PYGB: variants seen among roughly 807,000 people sequenced by gnomAD.
PYGB encodes glycogen phosphorylase B, also known as glycogen phosphorylase, brain form.
A neutral mutation model predicts 94.3 loss-of-function variants in PYGB; 82 were observed. The observed-to-expected ratio is 0.87, with a 90% CI of 0.73 to 1.04. The LOEUF (loss-of-function observed/expected upper bound fraction) is 1.04. PYGB is among the 50% of genes least tolerant of loss of function. The pLI, the probability that PYGB is intolerant of heterozygous loss-of-function variation, is 0.00. For missense variants in PYGB, 1,132 were observed against 1,158.2 expected (o/e 0.98, Z 0.33); for synonymous variants, 488 against 479.1 (o/e 1.02, Z -0.24).
intron 2 of PYGB, among the ~76,000 whole-genome samples, chr20:25,267,882 T>G (rs1003363189): frequency 2.0e-5 from 3 of 152,110 alleles, no homozygotes; most frequent in African/African-American, 7.2e-5. Flanking sequence ...TTTGCCCTCC[T>G]AGGTAGGAAG....
intron 2 of PYGB, among the ~76,000 whole-genome samples, chr20:25,262,033 G>A (rs2092914725): frequency 6.6e-6 from 1 of 152,156 alleles, no homozygotes; most frequent in African/African-American, 2.4e-5. Flanking sequence ...GGGGAGAATG[G>A]CACCAAGTTG....
rs202071254 is a variant in PYGB at position 25,292,573 on chromosome 20, G to A, written c.2137G>A (p.Gly713Ser). 8.7e-6 allele frequency: 14 copies of A among 1,612,892 alleles called. No individual in the cohort carries two copies. The African/African-American group carries it at 1.1e-4, about 12-fold the overall frequency. ...EAGAENLFIF[G>S]LRVEDVEALD... ...CGGGGCCGAGAACCTCTTCATCTTC[G>A]GCCTGCGGGTGGAGGATGTCGAGGC... The change falls in exon 17 of 20, where the codon GGC (glycine) becomes AGC (serine). Residue 713 changes from glycine to serine, a missense_variant. Physicochemically the swap from Gly to Ser is moderately conservative, Grantham distance 56. Coordinates refer to ENST00000216962, the MANE Select transcript of PYGB (RefSeq NM_002862.4).
intron 5 of PYGB, among the ~76,000 whole-genome samples, chr20:25,275,218 G>A (rs2088300424): frequency 6.6e-6 from 1 of 152,276 alleles, no homozygotes; most frequent in South Asian, 2.1e-4. Context: ...GTGTGTGCGA[G>A]GCCTGGGTGA....
chr20:25,272,744 C>CA, intron 4 of PYGB, among the ~76,000 whole-genome samples: 1 of 152,342 alleles, frequency 6.6e-6, no homozygotes, highest in East Asian at 1.9e-4. Flanking sequence ...AGCTCTGCCC[C>CA]AGCCCTCCGC....
chr20:25,259,171 A>T, intron 1 of PYGB, 66 bp from the exon 2 acceptor site: 1 of 1,377,718 alleles, frequency 7.3e-7, no homozygotes, highest in Non-Finnish European at 1.0e-6. Context: ...GGGTCGTGTC[A>T]TCTCTGTAAC....
At chr20:25,290,363 C>G (rs2258052) in intron 15 of PYGB, 118 bp from the exon 16 acceptor site, 2 of 1,349,828 alleles carry the variant, frequency 1.5e-6, no homozygotes, top group Admixed American at 1.9e-5. Context: ...CTGACCGTCC[C>G]GACGGCAGGT....
intron 4 of PYGB, among the ~76,000 whole-genome samples, chr20:25,274,138 A>T (rs2088290119): frequency 6.6e-6 from 1 of 152,186 alleles, no homozygotes; most frequent in South Asian, 2.1e-4. Context: ...GAACATTTTC[A>T]TCCCTCCAGA....
intron 11 of PYGB, among the ~76,000 whole-genome samples, chr20:25,281,643 G>A (rs879278630): frequency 2.6e-5 from 4 of 152,126 alleles, no homozygotes; most frequent in Non-Finnish European, 5.9e-5. Flanking sequence ...CGTGGCGCCC[G>A]CAGCAAGCTT....
rs769585378 is a variant in PYGB, at chr20:25,280,285, A to C, written c.1112A>C (p.Lys371Thr). ...DWDKAWEITKKTCAYTNHTVL... is the reference protein window; with the variant it reads ...DWDKAWEITKTTCAYTNHTVL... ...GCCTAGGCCTGGGAAATCACGAAGA[A>C]GACCTGTGCATACACCAACCACACT... The change falls in exon 10 of 20, where the codon AAG becomes ACG. Residue 371 changes from lysine to threonine, a missense_variant. By Grantham distance (78) the Lys-to-Thr change is moderately conservative. Transcript: ENST00000216962. The C allele has an allele frequency of 1.2e-5, 20 of 1,613,980 alleles. No homozygotes were observed. Among genetic ancestry groups the C allele is most frequent in the African/African-American group, 4.0e-5 (3 of 74,952 alleles).
At chr20:25,270,096 T>C (rs1399923212) in intron 3 of PYGB, among the ~76,000 whole-genome samples, 1 of 152,132 alleles carries the variant, frequency 6.6e-6, no homozygotes, top group African/African-American at 2.4e-5. Context: ...GCAGAGGGCC[T>C]GACAGGCATC....
chr20:25,287,254 C>T (rs2088426493), intron 14 of PYGB, among the ~76,000 whole-genome samples: 1 of 152,252 alleles, frequency 6.6e-6, no homozygotes, highest in African/African-American at 2.4e-5. Context: ...AGAGGGGAGA[C>T]ACAAGGTCTC....
intron 2 of PYGB, among the ~76,000 whole-genome samples, chr20:25,263,699 T>C (rs1349380201): frequency 1.3e-5 from 2 of 152,216 alleles, no homozygotes; most frequent in African/African-American, 4.8e-5. Context: ...GATAAATTCC[T>C]GGACACATAC....
rs760427411 is a variant in PYGB at position 25,258,097 on chromosome 20, C to CA, written c.244-1134dup. 5.9e-4 allele frequency among the ~76,000 whole-genome samples: 90 copies of CA among 152,194 alleles called. 1 individual carries two copies. The highest frequency in any genetic ancestry group is 7.7e-4 in the East Asian group (4 of 5,186). Reference sequence around the variant, plus strand: ...ATGTAGAAGCCTATATTCAAATGATCAAAAAAGTAAAAACAGGCCATTGAA... The same window carrying CA: ...ATGTAGAAGCCTATATTCAAATGATCAAAAAAAGTAAAAACAGGCCATTGAA... On this transcript the variant is annotated intron_variant, in intron 1 of 19. Coordinates refer to ENST00000216962, the MANE Select transcript of PYGB (RefSeq NM_002862.4).
chr20:25,267,361 T>G (rs2088227233), intron 2 of PYGB, among the ~76,000 whole-genome samples: 1 of 152,230 alleles, frequency 6.6e-6, no homozygotes, highest in Non-Finnish European at 1.5e-5. Context: ...TTAGTGGTGA[T>G]GGTTGCACAA....
chr20:25,254,827 C>G lies in PYGB; in HGVS notation c.244-4410C>G, dbSNP rs182079764. On this transcript the variant is annotated intron_variant, in intron 1 of 19. Coordinates refer to ENST00000216962, the MANE Select transcript of PYGB (RefSeq NM_002862.4). The stretch of plus-strand genomic sequence containing the variant: ...TTGTGGAGCTTAATTGCATAGAAGG[C>G]GGGAGACAGTGACTTGTGGCAATGT... Among the ~76,000 whole-genome samples the G allele has an allele frequency of 3.5e-3, 540 of 152,188 alleles. 2 individuals carry two copies. Among genetic ancestry groups the G allele is most frequent in the African/African-American group, 0.012 (502 of 41,520 alleles).
At chr20:25,270,120 G>C (rs973328539) in intron 3 of PYGB, among the ~76,000 whole-genome samples, 2 of 151,974 alleles carry the variant, frequency 1.3e-5, no homozygotes, top group African/African-American at 4.8e-5. Flanking sequence ...GTGTTCCCTG[G>C]ATTGGGCATT....
intron 14 of PYGB, chr20:25,288,128 T>G (rs2088433531): frequency 3.8e-6 from 2 of 529,954 alleles, no homozygotes; most frequent in Non-Finnish European, 6.9e-6. Context: ...GAATAGCATC[T>G]TTGCTCGAGT....
chr20:25,259,719 A>G (rs1410527396), intron 2 of PYGB, among the ~76,000 whole-genome samples: 1 of 152,146 alleles, frequency 6.6e-6, no homozygotes, highest in Non-Finnish European at 1.5e-5. Context: ...CACCCCTGAG[A>G]TGACCTCCGG....
At chr20:25,295,966 C>A (rs1182116538) in intron 19 of PYGB, among the ~76,000 whole-genome samples, 1 of 152,156 alleles carries the variant, frequency 6.6e-6, no homozygotes. Context: ...TCAGGGCTGG[C>A]CTCGAGGAAA....
Sources: allele counts gnomAD v4.1 joint callset (sites outside exome capture counted in the v4.1 genomes callset), GRCh38; gene constraint gnomAD v4.1.1; transcripts MANE v1.5; gene names NCBI Gene and HGNC (gene_info 2026-07-23, HGNC 2026-07-21).